The following ZFYVE21 variants were observed in gnomAD, a reference collection of about 807,000 sequenced individuals.
ZFYVE21 encodes the protein zinc finger FYVE domain-containing protein 21.
ZFYVE21 carries 21 observed loss-of-function variants against 29.5 expected under a neutral mutation model. The ratio of observed to expected loss-of-function variants is 0.71; its 90% CI spans 0.50 to 1.02. The LOEUF (loss-of-function observed/expected upper bound fraction) is 1.02. ZFYVE21 is among the 50% of genes least tolerant of loss of function. The pLI is 0.00. For synonymous variants in ZFYVE21, 151 were observed against 133.8 expected (o/e 1.13, Z -0.89); for missense variants, 326 against 335.4 (o/e 0.97, Z 0.22).
At position 103,730,104 on chromosome 14, in the gene ZFYVE21, G is replaced by A. The variant is rs148749442; in HGVS notation, c.526+922G>A. The A allele has an allele frequency of 5.5e-4, 285 of 516,324 alleles. 2 individuals are homozygous for A. Among genetic ancestry groups the A allele is most frequent in the African/African-American group, 4.9e-3 (252 of 51,362 alleles). 32.0% of individuals were successfully genotyped at this position (516,324 alleles called of 1,614,324 possible). ...CCCAGCAATTGACAGCTCTCTGTCA[G>A]TACCTGCCAGCCCTGAACAGGCTGA... On this transcript the variant is annotated intron_variant, in intron 5 of 6. Coordinates refer to ENST00000311141, the MANE Select transcript of ZFYVE21 (RefSeq NM_024071.4).
rs2083813133 is a variant in ZFYVE21, at chr14:103,716,435, C to G, written c.138+456C>G. ...CGTGCTGTCCGCGGAAGCGCTGGAG[C>G]TGGCGGCCCCGCAGGGGTCCCTCCC... On this transcript the variant is annotated intron_variant, in intron 1 of 6. Transcript: ENST00000311141. This position sits in a 1 kb window ranked among gnomAD's most constrained non-coding sequence, Gnocchi z 4.8. Among the ~76,000 whole-genome samples the G allele has an allele frequency of 6.6e-6, 1 of 152,080 alleles. No homozygotes were observed. Among genetic ancestry groups the G allele is most frequent in the Non-Finnish European group, 1.5e-5 (1 of 67,994 alleles).
chr14:103,729,830 C>G, intron 5 of ZFYVE21: 1 of 1,536,172 alleles, frequency 6.5e-7, no homozygotes, highest in Non-Finnish European at 8.7e-7. Flanking sequence ...TCCGGGGGAG[C>G]CAGCCTGCCT....
chr14:103,718,999 G>A (rs1324359468), intron 1 of ZFYVE21, among the ~76,000 whole-genome samples: 1 of 152,222 alleles, frequency 6.6e-6, no homozygotes, highest in Admixed American at 6.5e-5. Context: ...CACAGGCCAG[G>A]CCGGACAGGG....
chr14:103,719,499 T>C (rs1252006381), intron 1 of ZFYVE21, among the ~76,000 whole-genome samples: 1 of 150,466 alleles, frequency 6.6e-6, no homozygotes, highest in African/African-American at 2.4e-5. Context: ...TGTGTTCCAG[T>C]TGATCATGAG....
At chr14:103,731,347 C>T (rs2083971933) in intron 5 of ZFYVE21, 1 of 151,326 alleles carries the variant, frequency 6.6e-6, no homozygotes, top group Non-Finnish European at 1.5e-5. Context: ...TGCCTATAAT[C>T]CTAGCACTTT....
chr14:103,728,161 G>C (rs553009255), intron 3 of ZFYVE21: 1 of 425,924 alleles, frequency 2.3e-6, no homozygotes, highest in Admixed American at 4.2e-5. Context: ...TGGGAGGGGA[G>C]GCCCTGGGCC....
At chr14:103,732,834 C>CT in intron 6 of ZFYVE21, 72 bp downstream of exon 6, 1 of 1,600,858 alleles carries the variant, frequency 6.2e-7, no homozygotes, top group Non-Finnish European at 8.5e-7. Flanking sequence ...AGAGGAAGCT[C>CT]TGTGTCCTGC....
chr14:103,729,696 A>G, intron 5 of ZFYVE21: 1 of 1,409,086 alleles, frequency 7.1e-7, no homozygotes, highest in Non-Finnish European at 9.7e-7. Context: ...CTGTGCTGAC[A>G]GATGCGTGTG....
At chr14:103,729,701 C>T (rs1193229471) in intron 5 of ZFYVE21, 17 of 1,423,376 alleles carry the variant, frequency 1.2e-5, no homozygotes, top group Admixed American at 8.0e-5. Context: ...CTGACAGATG[C>T]GTGTGCCGTA....
chr14:103,717,130 T>C (rs1195328199), intron 1 of ZFYVE21, among the ~76,000 whole-genome samples: 2 of 152,168 alleles, frequency 1.3e-5, no homozygotes, highest in African/African-American at 4.8e-5. Context: ...CGAGTGACTC[T>C]GGGGAAGTGT....
At chr14:103,730,286 A>G (rs1049970793) in intron 5 of ZFYVE21, 78 of 189,496 alleles carry the variant, frequency 4.1e-4, no homozygotes, top group African/African-American at 1.8e-3. Flanking sequence ...TGAGATGCCC[A>G]GGCCAGTGTT....
chr14:103,728,165 C>G (rs2083945900), intron 3 of ZFYVE21: 2 of 421,956 alleles, frequency 4.7e-6, no homozygotes, highest in Non-Finnish European at 8.4e-6. Flanking sequence ...AGGGGAGGCC[C>G]TGGGCCCAGG....
In ZFYVE21 at chr14:103,716,066, C is replaced by T. The variant is rs1342733149; in HGVS notation, c.138+87C>T. ...CGGGCTTCCAGGCTCCCGCGACGACCCCTCCGCCTCCGGGCGGCCCCTTCC... is the reference window on the plus strand; with the variant it reads ...CGGGCTTCCAGGCTCCCGCGACGACTCCTCCGCCTCCGGGCGGCCCCTTCC... On this transcript the variant is annotated intron_variant, in intron 1 of 6. Coordinates refer to ENST00000311141, the MANE Select transcript of ZFYVE21 (RefSeq NM_024071.4). The surrounding 1 kb of genome is among the most constrained non-coding windows in gnomAD (Gnocchi z 4.8). 10 of 1,133,034 alleles carry T rather than the reference C, an allele frequency of 8.8e-6. No homozygotes were observed. The Admixed American group carries it at 1.9e-4, about 22-fold the overall frequency. The allele number at this position is 1,133,034 out of a possible 1,614,324, so 70.2% of individuals were successfully genotyped here.
intron 5 of ZFYVE21, 198 bp downstream of exon 5, chr14:103,729,380 T>C: frequency 1.7e-6 from 1 of 599,658 alleles, no homozygotes; most frequent in African/African-American, 1.9e-5. Flanking sequence ...GAGTGGAGAC[T>C]TAAACTGTAA....
chr14:103,715,859 C>A lies in ZFYVE21; in HGVS notation c.18C>A (p.Ser6=), dbSNP rs780918029. Residue 6 remains serine (S), a synonymous_variant, in exon 1 of 7, where the codon TCC becomes TCA. Transcript: ENST00000311141. ...GCGGCGTCATGTCCTCCGAGGTGTC[C>A]GCGCGCCGCGACGCCAAGAAGCTGG... MSSEV[S]ARRDAKKLVR... 16 of 1,423,930 alleles carry A rather than the reference C, an allele frequency of 1.1e-5. No homozygotes were observed. In the South Asian group the frequency reaches 1.6e-4, roughly 14 times the overall value. 88.2% of individuals were successfully genotyped at this position (1,423,930 alleles called of 1,614,324 possible).
At chr14:103,731,636 T>G (rs1466416735) in intron 5 of ZFYVE21, 1 of 151,902 alleles carries the variant, frequency 6.6e-6, no homozygotes, top group Non-Finnish European at 1.5e-5. Flanking sequence ...TTCCGGGGCC[T>G]CCCAGGGGAC....
At chr14:103,718,049 C>T (rs1486798495) in intron 1 of ZFYVE21, among the ~76,000 whole-genome samples, 2 of 152,178 alleles carry the variant, frequency 1.3e-5, no homozygotes, top group African/African-American at 2.4e-5. Context: ...GTGCTGGCTG[C>T]GTGCTTGGGG....
Position 103,733,073 on chromosome 14 carries a change from G to A in ZFYVE21, c.*55G>A. 6.2e-7 allele frequency: 1 copy of A among 1,610,976 alleles called. No homozygotes were observed. The highest frequency in any genetic ancestry group is 8.5e-7 in the Non-Finnish European group (1 of 1,177,298). ...GTGGTCACCAGGACTGAGTCGCTTG[G>A]AACAGCAGAGCCTGCTCCTTGCGTA... On this transcript the variant is annotated 3_prime_UTR_variant, in exon 7 of 7. Transcript: ENST00000311141.
chr14:103,716,088 T>G lies in ZFYVE21; in HGVS notation c.138+109T>G. 1.9e-6 allele frequency: 2 copies of G among 1,040,034 alleles called. No homozygotes were observed. The highest frequency in any genetic ancestry group is 2.4e-6 in the Non-Finnish European group (2 of 842,734). 64.4% of individuals were successfully genotyped at this position (1,040,034 alleles called of 1,614,324 possible). ...GACCCCTCCGCCTCCGGGCGGCCCC[T>G]TCCCCAGCCGGCCCCCGCCCCCGCT... is the stretch of plus-strand genomic sequence containing the variant. On this transcript the variant is annotated intron_variant, in intron 1 of 6. Coordinates refer to ENST00000311141, the MANE Select transcript of ZFYVE21 (RefSeq NM_024071.4). This position sits in a 1 kb window ranked among gnomAD's most constrained non-coding sequence, Gnocchi z 4.8.
Sources: allele counts gnomAD v4.1 joint callset (sites outside exome capture counted in the v4.1 genomes callset), GRCh38; gene constraint gnomAD v4.1.1; non-coding constraint Gnocchi (gnomAD v3.1); transcripts MANE v1.5; gene names NCBI Gene and HGNC (gene_info 2026-07-23, HGNC 2026-07-21).